Variants in KAZN observed in about 807,000 individuals in gnomAD.
The protein encoded by KAZN is kazrin, periplakin interacting protein.
A neutral mutation model predicts 87.4 loss-of-function variants in KAZN; 40 were observed. That is an observed-to-expected ratio of 0.46 (90% confidence interval 0.36 to 0.60). The LOEUF (loss-of-function observed/expected upper bound fraction) is 0.60, where lower values mean the gene tolerates loss of function less well. KAZN is among the 20% of genes least tolerant of loss of function. KAZN has a pLI of 0.00. For synonymous variants in KAZN, 466 were observed against 458.3 expected (o/e 1.02, Z -0.22); for missense variants, 898 against 1,073.9 (o/e 0.84, Z 2.29).
chr1:14,399,061 T>C (rs775723437), intron 2 of KAZN, among the ~76,000 whole-genome samples: 9 of 152,210 alleles, frequency 5.9e-5, no homozygotes, highest in Admixed American at 1.3e-4. Flanking sequence ...AGTCTCACTC[T>C]GTCACCCAGG....
chr1:13,911,050 T>C (rs1214392424), intron 1 of KAZN, among the ~76,000 whole-genome samples: 2 of 151,982 alleles, frequency 1.3e-5, no homozygotes, highest in East Asian at 3.9e-4. Context: ...ACTTTTGTTT[T>C]GTTTCATTTT....
chr1:14,878,226 C>A (rs1385298165), intron 1 of KAZN, among the ~76,000 whole-genome samples: 3 of 152,176 alleles, frequency 2.0e-5, no homozygotes, highest in Non-Finnish European at 4.4e-5. Flanking sequence ...ACCCCACAAC[C>A]TATCACTGAT....
chr1:14,830,859 A>T (rs1359993132), intron 1 of KAZN, among the ~76,000 whole-genome samples: 1 of 152,166 alleles, frequency 6.6e-6, no homozygotes, highest in Non-Finnish European at 1.5e-5. Context: ...GCCAAACCAT[A>T]TCAAGGGAGA....
chr1:14,261,461 C>T (rs1279977220), intron 2 of KAZN, among the ~76,000 whole-genome samples: 1 of 152,078 alleles, frequency 6.6e-6, no homozygotes, highest in Admixed American at 6.5e-5. Context: ...TCCCCGGGGG[C>T]CAGATCAGAT....
chr1:14,693,710 C>T (rs114792681), intron 1 of KAZN, among the ~76,000 whole-genome samples: 213 of 152,286 alleles, frequency 1.4e-3, no homozygotes, highest in African/African-American at 5.0e-3. Flanking sequence ...GTAACTGTTG[C>T]TTTAGTTTCA....
chr1:14,242,550 A>G (rs1011969223), intron 2 of KAZN, among the ~76,000 whole-genome samples: 5 of 152,232 alleles, frequency 3.3e-5, no homozygotes, highest in Non-Finnish European at 5.9e-5. Flanking sequence ...CAAAACAGAC[A>G]AAGTCCCTGG....
intron 1 of KAZN, among the ~76,000 whole-genome samples, chr1:14,834,084 G>A (rs1647142023): frequency 1.3e-5 from 2 of 151,962 alleles, no homozygotes; most frequent in South Asian, 2.1e-4. Flanking sequence ...CACCCAGGCT[G>A]GAGTGTAGTG....
chr1:14,803,921 T>A (rs1361096593), intron 1 of KAZN, among the ~76,000 whole-genome samples: 2 of 152,204 alleles, frequency 1.3e-5, no homozygotes, highest in African/African-American at 4.8e-5. Context: ...GTGAACATGG[T>A]GCATTTCATC....
intron 1 of KAZN, among the ~76,000 whole-genome samples, chr1:13,928,532 A>G (rs1240494400): frequency 1.3e-5 from 2 of 152,222 alleles, no homozygotes; most frequent in African/African-American, 2.4e-5. Context: ...CTGAATTGCA[A>G]ATCAGGAGAA....
At position 15,028,001 on chromosome 1, in the gene KAZN, C is replaced by T. The variant is rs748313374; in HGVS notation, c.419-6748C>T. Among the ~76,000 whole-genome samples, 34 of 152,156 alleles carry T rather than the reference C, an allele frequency of 2.2e-4. 1 individual carries two copies. The highest frequency in any genetic ancestry group is 1.4e-3 in the Admixed American group (22 of 15,284). On this transcript the variant is annotated intron_variant, in intron 2 of 14. Coordinates refer to ENST00000376030, the MANE Select transcript of KAZN (RefSeq NM_201628.3). Reference sequence around the variant, plus strand: ...ACAGAGCCCAGAGGCTCCTTTGTGTCGTTTTTAGTTTGTCTCCACTGGGCA... The same window carrying T: ...ACAGAGCCCAGAGGCTCCTTTGTGTTGTTTTTAGTTTGTCTCCACTGGGCA...
chr1:14,292,950 T>G (rs1182728136), intron 2 of KAZN, among the ~76,000 whole-genome samples: 1 of 152,186 alleles, frequency 6.6e-6, no homozygotes, highest in Non-Finnish European at 1.5e-5. Flanking sequence ...TCAATATCAT[T>G]AGGCAGACTT....
chr1:14,038,327 G>A (rs773626905), intron 1 of KAZN, among the ~76,000 whole-genome samples: 1 of 152,166 alleles, frequency 6.6e-6, no homozygotes, highest in African/African-American at 2.4e-5. Context: ...TAACCCTTGA[G>A]GGATGATTCG....
chr1:14,911,826 T>C (rs1490111683), intron 1 of KAZN, among the ~76,000 whole-genome samples: 1 of 152,098 alleles, frequency 6.6e-6, no homozygotes, highest in Admixed American at 6.6e-5. Flanking sequence ...TCTAAGACCC[T>C]AATTTATACA....
intron 1 of KAZN, among the ~76,000 whole-genome samples, chr1:14,619,425 T>C (rs1678517753): frequency 1.3e-5 from 2 of 152,210 alleles, no homozygotes; most frequent in South Asian, 2.1e-4. Flanking sequence ...GTCTCTGAAC[T>C]CCTGGCCTCA....
At chr1:14,953,603 T>C (rs1218946750) in intron 1 of KAZN, among the ~76,000 whole-genome samples, 2 of 152,122 alleles carry the variant, frequency 1.3e-5, no homozygotes, top group Admixed American at 1.3e-4. Flanking sequence ...TTAGAACATA[T>C]AGTATGTGCT....
chr1:14,253,258 G>A (rs1380114609), intron 2 of KAZN, among the ~76,000 whole-genome samples: 1 of 152,074 alleles, frequency 6.6e-6, no homozygotes, highest in Admixed American at 6.5e-5. Flanking sequence ...GATTATAATA[G>A]TTATTCCCAA....
intron 1 of KAZN, among the ~76,000 whole-genome samples, chr1:14,890,088 T>C (rs994113026): frequency 1.3e-5 from 2 of 152,200 alleles, no homozygotes; most frequent in Admixed American, 1.3e-4. Context: ...TTGGAGATGA[T>C]TCGGGAAGCT....
At chr1:13,988,809 C>T (rs1157120380) in intron 1 of KAZN, among the ~76,000 whole-genome samples, 2 of 152,010 alleles carry the variant, frequency 1.3e-5, no homozygotes. Context: ...GTCACTAATC[C>T]CTTTGAGAAT....
At chr1:14,396,907 T>G (rs562307287) in intron 2 of KAZN, among the ~76,000 whole-genome samples, 1 of 152,150 alleles carries the variant, frequency 6.6e-6, no homozygotes, top group African/African-American at 2.4e-5. Context: ...TGAGTTTTTT[T>G]TTTTTACTTA....
Sources: gnomAD v4.1 joint callset for allele counts (sites outside exome capture counted in the v4.1 genomes callset) on GRCh38, gnomAD v4.1.1 for gene constraint, MANE v1.5 for transcripts, NCBI Gene and HGNC (gene_info 2026-07-23, HGNC 2026-07-21) for gene names.